NCOA3: variants seen among roughly 807,000 people sequenced by gnomAD.
The protein encoded by NCOA3 is nuclear receptor coactivator 3.
Under a neutral mutation model 158.8 loss-of-function variants are expected in NCOA3, and 51 were observed. The observed-to-expected ratio is 0.32, with a 90% CI of 0.26 to 0.41. NCOA3 has a LOEUF of 0.41. Among genes scored for constraint, NCOA3 ranks in the 10% least tolerant of loss-of-function variants. NCOA3 has a pLI of 1.00. For synonymous variants in NCOA3, 537 were observed against 592.4 expected, an observed-to-expected ratio of 0.91 and a Z score of 1.36; for missense variants, 1,510 against 1,746.6, an observed-to-expected ratio of 0.86 and a Z score of 2.41.
intron 8 of NCOA3, 26 bp downstream of exon 8, chr20:47,628,049 C>A (rs768353584): frequency 2.6e-6 from 4 of 1,533,520 alleles, no homozygotes; most frequent in Non-Finnish European, 3.6e-6. Context: ...TTGTCTCTCT[C>A]TCTCTCTGTG....
At chr20:47,513,267 C>T (rs576428096) in intron 1 of NCOA3, among the ~76,000 whole-genome samples, 12 of 152,284 alleles carry the variant, frequency 7.9e-5, no homozygotes, top group African/African-American at 2.9e-4. Context: ...GAAACACAAG[C>T]TTAGGTCCAC....
chr20:47,550,254 G>A (rs1006066396), intron 1 of NCOA3, among the ~76,000 whole-genome samples: 12 of 151,508 alleles, frequency 7.9e-5, no homozygotes, highest in Non-Finnish European at 1.5e-4. Flanking sequence ...AGACCAACCT[G>A]ACCAACATGG....
rs73310165 is a variant in NCOA3 at position 47,611,314 on chromosome 20, C to G, written c.-19-10915C>G. Among the ~76,000 whole-genome samples the G allele has an allele frequency of 5.0e-3, 756 of 152,284 alleles. 7 individuals carry two copies. The highest frequency in any genetic ancestry group is 0.017 in the African/African-American group (703 of 41,556). On this transcript the variant is annotated intron_variant, in intron 2 of 22. Coordinates refer to ENST00000371998, the MANE Select transcript of NCOA3 (RefSeq NM_181659.3). ...CTTTATCCAGTTCTTTCTCACTTAC[C>G]TTAGCATGGCTAAAACCCTTGGTTT...
chr20:47,588,084 A>C (rs2085564175), intron 2 of NCOA3, among the ~76,000 whole-genome samples: 1 of 151,660 alleles, frequency 6.6e-6, no homozygotes, highest in East Asian at 1.9e-4. Flanking sequence ...TAAACAGTTA[A>C]AATTTAAATT....
chr20:47,523,096 G>A (rs2084372373), intron 1 of NCOA3, among the ~76,000 whole-genome samples: 2 of 152,170 alleles, frequency 1.3e-5, no homozygotes, highest in South Asian at 4.1e-4. Context: ...TGAGGCAGGA[G>A]AATGGCATAA....
Position 47,628,014 on chromosome 20 carries a change from G to C in NCOA3, c.814G>C (p.Asp272His). ...SNPESFITRH[D>H]LSGKVVNIDT... The stretch of plus-strand genomic sequence containing the variant: ...CCCTGAGAGCTTTATTACCAGACAT[G>C]ATCTTTCAGGTAAAAACTCTTTTTT... Residue 272 changes from aspartate (D) to histidine (H), a missense_variant, in exon 8 of 23, where the codon GAT becomes CAT. Coordinates refer to ENST00000371998, the MANE Select transcript of NCOA3 (RefSeq NM_181659.3). 6.2e-7 allele frequency: 1 copy of C among 1,611,754 alleles called. No individual in the cohort carries two copies. Among genetic ancestry groups the C allele is most frequent in the Non-Finnish European group, 8.5e-7 (1 of 1,178,060 alleles).
At chr20:47,595,049 C>G (rs1339547399) in intron 2 of NCOA3, among the ~76,000 whole-genome samples, 1 of 151,160 alleles carries the variant, frequency 6.6e-6, no homozygotes, top group East Asian at 2.0e-4. Context: ...GCCTTTGCCT[C>G]CCAAAGTGAT....
intron 1 of NCOA3, among the ~76,000 whole-genome samples, chr20:47,553,820 C>T (rs1413364513): frequency 6.6e-6 from 1 of 152,008 alleles, no homozygotes; most frequent in Non-Finnish European, 1.5e-5. Flanking sequence ...TGGGTTGGTT[C>T]CAAGTCTTTG....
chr20:47,618,348 GT>G (rs71183269), intron 2 of NCOA3, among the ~76,000 whole-genome samples: 144 of 101,374 alleles, frequency 1.4e-3, no homozygotes, highest in East Asian at 0.011. Context: ...TTTTCCCTTA[GT>G]TTTTTTTTTT....
chr20:47,596,112 T>C (rs2085751776), intron 2 of NCOA3, among the ~76,000 whole-genome samples: 1 of 152,264 alleles, frequency 6.6e-6, no homozygotes, highest in African/African-American at 2.4e-5. Context: ...GTTCGTATAG[T>C]GTACCTGCTC....
At position 47,652,472 on chromosome 20, in the gene NCOA3, C is replaced by T; in HGVS notation, c.4013C>T (p.Ser1338Leu). 1 of 1,614,068 alleles carries T rather than the reference C, an allele frequency of 6.2e-7. No individual in the cohort carries two copies. Among genetic ancestry groups the T allele is most frequent in the Non-Finnish European group, 8.5e-7 (1 of 1,179,892 alleles). The change falls in exon 21 of 23, where the codon TCA becomes TTA. Residue 1338 changes from serine (S) to leucine (L), a missense_variant. By Grantham distance (145) the Ser-to-Leu change is moderately radical. Around this residue, in one of 4 missense-constraint regions of NCOA3, gnomAD observed 180 missense variants for 199.3 expected, o/e 0.90. Coordinates refer to ENST00000371998, the MANE Select transcript of NCOA3 (RefSeq NM_181659.3). Reference sequence around the variant, plus strand: ...AGTCCTCCCAATGCAATGATGTCGTCAAGAATGGGTCCCTCCCAGAATCCC... The same window carrying T: ...AGTCCTCCCAATGCAATGATGTCGTTAAGAATGGGTCCCTCCCAGAATCCC... Reference protein sequence around the residue: ...VSSPPNAMMSSRMGPSQNPMM... With the variant: ...VSSPPNAMMSLRMGPSQNPMM...
rs72645293 is a variant in NCOA3, at chr20:47,648,431, A to G, written c.3547-574A>G. 2.7e-3 allele frequency among the ~76,000 whole-genome samples: 408 copies of G among 152,274 alleles called. 1 individual carries two copies. The highest frequency in any genetic ancestry group is 9.4e-3 in the African/African-American group (391 of 41,566). The stretch of plus-strand genomic sequence containing the variant: ...GAATAATCCCAGAGAAAGCCTGACT[A>G]TAAATCTTTTGAGTTTCTATTGTGT... On this transcript the variant is annotated intron_variant, in intron 18 of 22. Coordinates refer to ENST00000371998, the MANE Select transcript of NCOA3 (RefSeq NM_181659.3).
rs1416799793 is a variant in NCOA3 at position 47,636,474 on chromosome 20, T to G, written c.2088T>G (p.Ala696=). The change falls in exon 12 of 23, where the codon GCT becomes GCG. Residue 696 remains alanine (A), a synonymous_variant. Transcript: ENST00000371998. ...TGCTGCAGAATGGGAATTCACCAGC[T>G]GAGGTAGCCAAGATTACTGCAGAAG... The part of the protein sequence containing the change: ...HKLLQNGNSP[A]EVAKITAEAT... 1 of 1,614,102 alleles carries G rather than the reference T, an allele frequency of 6.2e-7. No individual in the cohort carries two copies. Among genetic ancestry groups the G allele is most frequent in the African/African-American group, 1.3e-5 (1 of 75,026 alleles).
At chr20:47,592,260 G>T (rs1009077245) in intron 2 of NCOA3, among the ~76,000 whole-genome samples, 4 of 152,082 alleles carry the variant, frequency 2.6e-5, no homozygotes, top group African/African-American at 4.8e-5. Flanking sequence ...GGCCAGGCTG[G>T]TCTTGAACTC....
intron 1 of NCOA3, among the ~76,000 whole-genome samples, chr20:47,539,915 T>G (rs1370152734): frequency 6.6e-6 from 1 of 152,230 alleles, no homozygotes; most frequent in African/African-American, 2.4e-5. Context: ...ATTTTAAAGA[T>G]GTAAAAATAT....
chr20:47,627,894 C>A lies in NCOA3; in HGVS notation c.722-28C>A, dbSNP rs751841297. ...TATATATCCAAAAGTTAAGTATAATCCTTACCAGGGTGAATTTTTTATTGT... is the reference window on the plus strand; with the variant it reads ...TATATATCCAAAAGTTAAGTATAATACTTACCAGGGTGAATTTTTTATTGT... On this transcript the variant is annotated intron_variant, in intron 7 of 22. Transcript: ENST00000371998. The A allele has an allele frequency of 3.1e-6, 5 of 1,601,724 alleles. No homozygotes were observed. The African/African-American group carries it at 5.4e-5, about 17-fold the overall frequency.
At chr20:47,585,982 G>A (rs1382376196) in intron 2 of NCOA3, among the ~76,000 whole-genome samples, 1 of 149,118 alleles carries the variant, frequency 6.7e-6, no homozygotes. Flanking sequence ...GTGCAATGGC[G>A]CGATCTTGTT....
chr20:47,557,690 A>G (rs982471574), intron 1 of NCOA3, among the ~76,000 whole-genome samples: 1 of 152,234 alleles, frequency 6.6e-6, no homozygotes, highest in Non-Finnish European at 1.5e-5. Context: ...AATATAGATA[A>G]TTCAGTTTAT....
intron 1 of NCOA3, among the ~76,000 whole-genome samples, chr20:47,550,403 C>T (rs546050002): frequency 1.2e-4 from 17 of 137,212 alleles, no homozygotes; most frequent in African/African-American, 3.9e-4. Context: ...GAGATCGTGC[C>T]ATTGCACTCC....
Sources: gnomAD v4.1 joint callset for allele counts (sites outside exome capture counted in the v4.1 genomes callset) on GRCh38, gnomAD v4.1.1 for gene constraint, gnomAD v4.1.1 regional missense constraint, MANE v1.5 for transcripts, NCBI Gene and HGNC (gene_info 2026-07-23, HGNC 2026-07-21) for gene names.